UNC79: variants seen among roughly 807,000 people sequenced by gnomAD.
The protein encoded by UNC79 is unc-79 subunit of NALCN channel complex.
A neutral mutation model predicts 283.1 loss-of-function variants in UNC79; 37 were observed. That is an observed-to-expected ratio of 0.13 (90% CI 0.10 to 0.17). UNC79 has a LOEUF of 0.17. Among genes scored for constraint, UNC79 ranks in the 10% least tolerant of loss-of-function variants. UNC79 has a pLI of 1.00. For missense variants in UNC79, 2,272 were observed against 3,211.1 expected (o/e 0.71, Z 7.07); for synonymous variants, 1,107 against 1,200.2 (o/e 0.92, Z 1.61).
chr14:93,438,763 A>G (rs1595480460), intron 1 of UNC79, among the ~76,000 whole-genome samples: 1 of 151,824 alleles, frequency 6.6e-6, no homozygotes, highest in African/African-American at 2.4e-5. Flanking sequence ...AAAGCCTCAT[A>G]GTATTTTTGT....
At chr14:93,622,017 C>T (rs1447169458) in exon 30 of UNC79, 3 of 1,613,986 alleles carry the variant, frequency 1.9e-6, no homozygotes, top group South Asian at 2.2e-5. Context: ...AAAGTTGACT[C>T]GCCGGTAAAG....
intron 1 of UNC79, among the ~76,000 whole-genome samples, chr14:93,459,459 A>G (rs2056885188): frequency 6.6e-6 from 1 of 152,244 alleles, no homozygotes; most frequent in Non-Finnish European, 1.5e-5. Flanking sequence ...AATATTGGAA[A>G]CAACCTAAAT....
intron 40 of UNC79, among the ~76,000 whole-genome samples, chr14:93,668,427 A>G (rs953392581): frequency 2.0e-5 from 3 of 152,120 alleles, no homozygotes; most frequent in Admixed American, 6.6e-5. Flanking sequence ...AGAATGTGCA[A>G]TGGCTGGGTG....
chr14:93,486,229 G>A (rs1466023894), intron 4 of UNC79, among the ~76,000 whole-genome samples: 2 of 152,154 alleles, frequency 1.3e-5, no homozygotes, highest in Non-Finnish European at 2.9e-5. Flanking sequence ...TGCCACACAA[G>A]CCCAAGTGTA....
intron 1 of UNC79, among the ~76,000 whole-genome samples, chr14:93,357,966 C>G (rs1194213993): frequency 8.9e-5 from 9 of 101,440 alleles, no homozygotes; most frequent in South Asian, 5.9e-4. Context: ...TATATATATC[C>G]ATATATATAG....
chr14:93,637,723 G>T (rs976512428), intron 32 of UNC79, among the ~76,000 whole-genome samples: 1 of 152,146 alleles, frequency 6.6e-6, no homozygotes, highest in Admixed American at 6.5e-5. Context: ...CTCCCAAAGT[G>T]CTGGGATTAT....
At chr14:93,389,841 T>G (rs1244933915) in intron 1 of UNC79, among the ~76,000 whole-genome samples, 1 of 152,086 alleles carries the variant, frequency 6.6e-6, no homozygotes, top group Non-Finnish European at 1.5e-5. Flanking sequence ...TTAGTAGAGA[T>G]GGGGTTTTGC....
chr14:93,614,784 G>C (rs1035631430), intron 27 of UNC79, among the ~76,000 whole-genome samples: 1 of 152,132 alleles, frequency 6.6e-6, no homozygotes, highest in Non-Finnish European at 1.5e-5. Context: ...ATGCCATGGT[G>C]GACAGACACC....
At chr14:93,511,327 C>T (rs1003863165) in intron 7 of UNC79, among the ~76,000 whole-genome samples, 3 of 152,128 alleles carry the variant, frequency 2.0e-5, no homozygotes, top group Non-Finnish European at 4.4e-5. Context: ...GAATATTTCA[C>T]CATTAAGCAT....
At chr14:93,667,240 GGAAGGAAGGAAA>G (rs145884420) in intron 40 of UNC79, among the ~76,000 whole-genome samples, 2,331 of 150,232 alleles carry the variant, frequency 0.016, 53 homozygotes, top group African/African-American at 0.054. Flanking sequence ...AGAGAAGGAG[GGAAGGAAGGAAA>G]GAAGGAAGGA....
chr14:93,680,159 G>A (rs1352409830), intron 41 of UNC79, among the ~76,000 whole-genome samples: 1 of 152,166 alleles, frequency 6.6e-6, no homozygotes, highest in Non-Finnish European at 1.5e-5. Flanking sequence ...TCATAAATCA[G>A]ACAGTTGGAT....
At chr14:93,549,028 C>T (rs2061742500) in intron 14 of UNC79, among the ~76,000 whole-genome samples, 1 of 152,130 alleles carries the variant, frequency 6.6e-6, no homozygotes, top group Non-Finnish European at 1.5e-5. Flanking sequence ...GCAAAAAGAA[C>T]ATCCTTTTTA....
chr14:93,662,605 G>C (rs1383553691), exon 40 of UNC79: 1 of 1,603,860 alleles, frequency 6.2e-7, no homozygotes, highest in Non-Finnish European at 8.5e-7. Flanking sequence ...TCATTGCAGA[G>C]TTTGTTGGAA....
intron 14 of UNC79, among the ~76,000 whole-genome samples, chr14:93,547,439 T>C (rs1333577104): frequency 1.3e-5 from 2 of 152,182 alleles, no homozygotes; most frequent in Non-Finnish European, 2.9e-5. Flanking sequence ...GGATTTTATT[T>C]AGGATTTGGC....
chr14:93,566,189 C>A (rs1252052284), intron 14 of UNC79, among the ~76,000 whole-genome samples: 1 of 152,154 alleles, frequency 6.6e-6, no homozygotes, highest in Non-Finnish European at 1.5e-5. Flanking sequence ...AAATGTTCCC[C>A]ATGTCCTGTG....
At chr14:93,497,012 A>G (rs964323854) in intron 6 of UNC79, 145 bp from the exon 7 acceptor site, 16 of 844,006 alleles carry the variant, frequency 1.9e-5, no homozygotes, top group African/African-American at 3.4e-5. Context: ...GATCTAATCT[A>G]TGAAACATGT....
chr14:93,351,973 TA>T (rs1416389178), intron 1 of UNC79, among the ~76,000 whole-genome samples: 1 of 152,216 alleles, frequency 6.6e-6, no homozygotes, highest in Non-Finnish European at 1.5e-5. Flanking sequence ...CAGAAACACC[TA>T]AATGGTATTT....
At chr14:93,333,195 A>G (rs914031781), upstream of UNC79, 1 of 398,178 alleles carries the variant, frequency 2.5e-6, no homozygotes, top group Admixed American at 4.5e-5. Context: ...CGCTGGATCC[A>G]TGGGAGCGGA....
exon 13 of UNC79, chr14:93,540,775 A>C: frequency 6.2e-7 from 1 of 1,613,668 alleles, no homozygotes; most frequent in Non-Finnish European, 8.5e-7. Flanking sequence ...CTTTGATAAC[A>C]AGGACGATGA....
Sources: allele counts gnomAD v4.1 joint callset (sites outside exome capture counted in the v4.1 genomes callset), GRCh38; gene constraint gnomAD v4.1.1; transcripts MANE v1.5; gene names NCBI Gene and HGNC (gene_info 2026-07-23, HGNC 2026-07-21).